ADAMTSL1: variants seen among roughly 807,000 people sequenced by gnomAD.
ADAMTSL1 encodes the protein ADAMTS like 1, also known as ADAMTS-like protein 1.
ADAMTSL1 carries 126 observed loss-of-function variants against 201.8 expected under a neutral mutation model. The ratio of observed to expected loss-of-function variants is 0.62; its 90% confidence interval spans 0.54 to 0.72. The LOEUF (loss-of-function observed/expected upper bound fraction) is 0.72, where lower values mean the gene tolerates loss of function less well. Among genes scored for constraint, ADAMTSL1 ranks in the 30% least tolerant of loss-of-function variants. The pLI is 0.00. For missense variants in ADAMTSL1, 2,679 were observed against 2,277.8 expected, an observed-to-expected ratio of 1.18 and a Z score of -3.59; for synonymous variants, 1,121 against 903.4, an observed-to-expected ratio of 1.24 and a Z score of -4.32.
intron 1 of ADAMTSL1, among the ~76,000 whole-genome samples, chr9:18,020,528 C>G (rs1820437259): frequency 6.6e-6 from 1 of 152,054 alleles, no homozygotes; most frequent in Admixed American, 6.6e-5. Context: ...CAAGCCTTCA[C>G]AGTGTGTGCA....
At chr9:18,461,502 A>T (rs1820805179) in intron 2 of ADAMTSL1, among the ~76,000 whole-genome samples, 1 of 152,168 alleles carries the variant, frequency 6.6e-6, no homozygotes, top group South Asian at 2.1e-4. Context: ...TGGTTGATAG[A>T]CATGTTCAAT....
rs1350782539 is a variant in ADAMTSL1, at chr9:18,857,124, C to A, written c.4249+27147C>A. ...CAAGACGTGGTTTGAGACTTGGTTT[C>A]TTTCTTCTTTAATATACTTTTGTTT... is the stretch of plus-strand genomic sequence containing the variant. On this transcript the variant is annotated intron_variant, in intron 23 of 28. Coordinates refer to ENST00000380548, the MANE Select transcript of ADAMTSL1 (RefSeq NM_001040272.6). Among the ~76,000 whole-genome samples the A allele has an allele frequency of 2.0e-5, 3 of 152,232 alleles. No individual in the cohort carries two copies. In the South Asian group the frequency reaches 6.2e-4, roughly 32 times the overall value.
At chr9:18,421,141 G>C (rs545893230) in intron 2 of ADAMTSL1, among the ~76,000 whole-genome samples, 122 of 152,286 alleles carry the variant, frequency 8.0e-4, no homozygotes, top group African/African-American at 2.9e-3. Context: ...TGCGTTCCCT[G>C]ATCACCTTCC....
intron 1 of ADAMTSL1, among the ~76,000 whole-genome samples, chr9:18,094,041 G>T (rs1824136845): frequency 6.6e-6 from 1 of 152,140 alleles, no homozygotes; most frequent in African/African-American, 2.4e-5. Flanking sequence ...CAGACACTAG[G>T]ACACTGATGA....
intron 3 of ADAMTSL1, among the ~76,000 whole-genome samples, chr9:18,566,880 C>G (rs891146229): frequency 3.9e-5 from 6 of 152,072 alleles, no homozygotes; most frequent in African/African-American, 1.4e-4. Flanking sequence ...CATGATGGCT[C>G]CTTGGACTTG....
intron 1 of ADAMTSL1, among the ~76,000 whole-genome samples, chr9:18,005,898 T>C (rs1281949094): frequency 6.6e-6 from 1 of 152,012 alleles, no homozygotes; most frequent in Non-Finnish European, 1.5e-5. Flanking sequence ...TTTTATATTA[T>C]GGTGAGTTTT....
intron 2 of ADAMTSL1, among the ~76,000 whole-genome samples, chr9:18,284,730 G>T (rs536442934): frequency 4.6e-5 from 7 of 152,008 alleles, no homozygotes; most frequent in African/African-American, 1.4e-4. Flanking sequence ...ACTACTGCTC[G>T]TATTTTATTT....
chr9:18,321,300 T>C (rs1271141238), intron 2 of ADAMTSL1, among the ~76,000 whole-genome samples: 1 of 152,118 alleles, frequency 6.6e-6, no homozygotes, highest in Non-Finnish European at 1.5e-5. Context: ...TTTAACAATG[T>C]AGAGAGCAAA....
intron 1 of ADAMTSL1, among the ~76,000 whole-genome samples, chr9:17,955,838 T>A (rs1009607023): frequency 6.6e-6 from 1 of 152,220 alleles, no homozygotes; most frequent in African/African-American, 2.4e-5. Context: ...TAGGGTTTCG[T>A]TCTATCCATG....
At chr9:18,857,357 G>A (rs926075330) in intron 23 of ADAMTSL1, among the ~76,000 whole-genome samples, 9 of 152,262 alleles carry the variant, frequency 5.9e-5, no homozygotes, top group African/African-American at 2.2e-4. Context: ...TGTCCCTTCT[G>A]TTTCTTCAAA....
chr9:18,701,474 C>T (rs1192085317), intron 13 of ADAMTSL1, among the ~76,000 whole-genome samples: 2 of 152,178 alleles, frequency 1.3e-5, no homozygotes, highest in East Asian at 3.8e-4. Context: ...CCCACCTCAG[C>T]CTCCCAAAGT....
chr9:18,371,449 C>T (rs993278920), intron 2 of ADAMTSL1, among the ~76,000 whole-genome samples: 7 of 152,014 alleles, frequency 4.6e-5, no homozygotes, highest in African/African-American at 9.7e-5. Context: ...AGAGGGAGGT[C>T]TTTCTTTTTA....
At chr9:18,061,717 T>C (rs1191718021) in intron 1 of ADAMTSL1, among the ~76,000 whole-genome samples, 1 of 152,260 alleles carries the variant, frequency 6.6e-6, no homozygotes, top group African/African-American at 2.4e-5. Context: ...TAGTGTCATA[T>C]CATTTGAAAA....
At chr9:17,988,364 A>G (rs945838347) in intron 1 of ADAMTSL1, among the ~76,000 whole-genome samples, 3 of 152,050 alleles carry the variant, frequency 2.0e-5, no homozygotes, top group Non-Finnish European at 4.4e-5. Context: ...CTACCTCAAT[A>G]ACAATTCTTT....
At chr9:18,459,334 T>C (rs1366117710) in intron 2 of ADAMTSL1, among the ~76,000 whole-genome samples, 1 of 152,196 alleles carries the variant, frequency 6.6e-6, no homozygotes, top group African/African-American at 2.4e-5. Flanking sequence ...TCAGACTTTA[T>C]TGGTGTTTTA....
At chr9:18,108,522 C>T (rs4490948) in intron 1 of ADAMTSL1, among the ~76,000 whole-genome samples, 83,001 of 151,462 alleles carry the variant, frequency 0.55, 23,157 homozygotes, top group African/African-American at 0.67. Context: ...CTTAAAGGCT[C>T]TTGGAAGCCA....
At chr9:18,333,498 G>A (rs968621911) in intron 2 of ADAMTSL1, among the ~76,000 whole-genome samples, 2 of 152,076 alleles carry the variant, frequency 1.3e-5, no homozygotes, top group African/African-American at 2.4e-5. Context: ...ATGCAGTCTC[G>A]GGTGTTTCCT....
In ADAMTSL1 at chr9:18,829,949, C is replaced by T; in HGVS notation, c.4221C>T (p.Val1407=). The T allele has an allele frequency of 6.2e-7, 1 of 1,613,162 alleles. No individual in the cohort carries two copies. The highest frequency in any genetic ancestry group is 1.1e-5 in the South Asian group (1 of 90,854). Residue 1407 remains valine, a synonymous_variant, in exon 23 of 29, where the codon GTC becomes GTT. Coordinates refer to ENST00000380548, the MANE Select transcript of ADAMTSL1 (RefSeq NM_001040272.6). ...CGTCTCCTCTGGGAACACAGCTGGT[C>T]CTGGATCCTGGGAATTCTGCTCTCC... The part of the protein sequence containing the change: ...VLTSPLGTQL[V]LDPGNSALLG...
chr9:18,094,825 C>G (rs753902370), intron 1 of ADAMTSL1, among the ~76,000 whole-genome samples: 3 of 150,724 alleles, frequency 2.0e-5, no homozygotes, highest in Non-Finnish European at 2.9e-5. Context: ...CTCAGCCTCC[C>G]AAAGTACCTG....
Sources: allele counts gnomAD v4.1 joint callset (sites outside exome capture counted in the v4.1 genomes callset), GRCh38; gene constraint gnomAD v4.1.1; transcripts MANE v1.5; gene names NCBI Gene and HGNC (gene_info 2026-07-23, HGNC 2026-07-21).